ARAP2: variants seen among roughly 807,000 people sequenced by gnomAD.
The protein encoded by ARAP2 is ArfGAP with RhoGAP domain, ankyrin repeat and PH domain 2, also known as arf-GAP with Rho-GAP domain, ANK repeat and PH domain-containing protein 2.
Under a neutral mutation model 194.5 loss-of-function variants are expected in ARAP2, and 148 were observed. The ratio of observed to expected loss-of-function variants is 0.76; its 90% confidence interval spans 0.67 to 0.87. ARAP2 has a LOEUF of 0.87. Among genes scored for constraint, ARAP2 ranks in the 40% least tolerant of loss-of-function variants. The probability of loss-of-function intolerance (pLI) is 0.00; values close to 1 mark genes in which losing one functional copy is unlikely to be tolerated. For synonymous variants in ARAP2, 695 were observed against 683.5 expected, an observed-to-expected ratio of 1.02 and a Z score of -0.26; for missense variants, 2,128 against 1,989.7, an observed-to-expected ratio of 1.07 and a Z score of -1.32.
intron 16 of ARAP2, among the ~76,000 whole-genome samples, chr4:36,149,158 T>C (rs1730329922): frequency 6.6e-6 from 1 of 152,150 alleles, no homozygotes; most frequent in Admixed American, 6.6e-5. Flanking sequence ...CAAAATACCC[T>C]ATGCTAAAGT....
intron 6 of ARAP2, among the ~76,000 whole-genome samples, chr4:36,204,060 C>T (rs1304245763): frequency 1.3e-5 from 2 of 152,040 alleles, no homozygotes; most frequent in Non-Finnish European, 2.9e-5. Flanking sequence ...GGTTAGGAAA[C>T]ACAACTGAAG....
At chr4:36,221,193 G>A (rs185811308) in intron 2 of ARAP2, among the ~76,000 whole-genome samples, 55 of 151,956 alleles carry the variant, frequency 3.6e-4, no homozygotes, top group African/African-American at 1.2e-3. Flanking sequence ...ATATAGCCTC[G>A]GTGTGTAATA....
intron 19 of ARAP2, among the ~76,000 whole-genome samples, chr4:36,146,427 C>G (rs1019461815): frequency 6.6e-6 from 1 of 152,060 alleles, no homozygotes; most frequent in African/African-American, 2.4e-5. Flanking sequence ...TAAGGCCCTA[C>G]ATGATCAGGT....
intron 5 of ARAP2, among the ~76,000 whole-genome samples, chr4:36,037,206 T>A (rs993643663): frequency 1.3e-5 from 2 of 152,168 alleles, no homozygotes; most frequent in African/African-American, 4.8e-5. Context: ...TGAACTAGGT[T>A]CTCTACTTCT....
chr4:36,109,356 T>C (rs905749520), intron 26 of ARAP2, among the ~76,000 whole-genome samples: 2 of 151,976 alleles, frequency 1.3e-5, no homozygotes, highest in Non-Finnish European at 2.9e-5. Context: ...TTTACTATTA[T>C]ATATCCCCTA....
intron 15 of ARAP2, among the ~76,000 whole-genome samples, chr4:36,154,025 T>C (rs1731646055): frequency 6.6e-6 from 1 of 152,144 alleles, no homozygotes; most frequent in South Asian, 2.1e-4. Flanking sequence ...TTCTGAAAGT[T>C]GCTGCTTTAA....
intron 27 of ARAP2, among the ~76,000 whole-genome samples, chr4:36,093,268 T>G (rs567547280): frequency 1.1e-4 from 17 of 152,128 alleles, no homozygotes; most frequent in African/African-American, 4.1e-4. Context: ...AGGCTTAATA[T>G]CTGGGTGATG....
intron 26 of ARAP2, among the ~76,000 whole-genome samples, chr4:36,109,034 A>G (rs905722687): frequency 1.1e-4 from 16 of 151,982 alleles, no homozygotes; most frequent in Non-Finnish European, 2.2e-4. Context: ...TACTTGTATG[A>G]TCCATCATAA....
At chr4:36,036,216 G>T (rs551586425) in intron 5 of ARAP2, among the ~76,000 whole-genome samples, 6 of 151,952 alleles carry the variant, frequency 3.9e-5, no homozygotes, top group Non-Finnish European at 8.8e-5. Context: ...TTCCCTACAG[G>T]TATTGATATT....
At position 36,242,247 on chromosome 4, in the gene ARAP2, A is replaced by T. The variant is rs529033832; in HGVS notation, c.-160+1932T>A. Among the ~76,000 whole-genome samples, 22 of 152,344 alleles carry T rather than the reference A, an allele frequency of 1.4e-4. No individual in the cohort carries two copies. In the South Asian group the frequency reaches 4.6e-3, roughly 32 times the overall value. On this transcript the variant is annotated intron_variant, in intron 1 of 32. Transcript: ENST00000303965. ...TTATTAAGAAGTTCTCTACCTAATT[A>T]ATATTTCACCAAGAATTCCCAAAAC... is the stretch of plus-strand genomic sequence containing the variant.
At chr4:36,243,383 C>CAAAAAAAAAAAAAAAAAAAAAAA (rs71201008) in intron 1 of ARAP2, among the ~76,000 whole-genome samples, 2 of 85,114 alleles carry the variant, frequency 2.3e-5, no homozygotes, top group African/African-American at 5.0e-5. Flanking sequence ...GACAAGCTTG[C>CAAAAAAAAAAAAAAAAAAAAAAA]AAAAAAAAAA....
Position 36,229,380 on chromosome 4 carries a change from T to A in ARAP2, c.107A>T (p.Lys36Met). The change falls in exon 2 of 33, where the codon AAG (lysine) becomes ATG (methionine). Residue 36 changes from lysine to methionine, a missense_variant. Transcript: ENST00000303965. ...GCTGTCATTTATTGCTGCACAGTCC[T>A]TCACAGTAGTAAAACCAGACTCATG... is the stretch of plus-strand genomic sequence containing the variant. ...HFHESGFTTV[K>M]DCAAINDSLL... 1 of 1,614,126 alleles carries A rather than the reference T, an allele frequency of 6.2e-7. No homozygotes were observed. Among genetic ancestry groups the A allele is most frequent in the African/African-American group, 1.3e-5 (1 of 75,060 alleles).
Position 36,177,809 on chromosome 4 carries a change from G to T in ARAP2, c.1857+18C>A. 2 of 1,557,138 alleles carry T rather than the reference G, an allele frequency of 1.3e-6. No homozygotes were observed. The highest frequency in any genetic ancestry group is 2.5e-5 in the South Asian group (2 of 81,104). On this transcript the variant is annotated intron_variant, in intron 9 of 32. Transcript: ENST00000303965. ...TAATAAAATAGCAGCAATTTGCAAT[G>T]ACTATAACAGAGCTCACCTGTTCGT... is the stretch of plus-strand genomic sequence containing the variant.
chr4:36,213,063 T>C (rs929801981), intron 4 of ARAP2, among the ~76,000 whole-genome samples, 180 bp downstream of exon 4: 1 of 152,108 alleles, frequency 6.6e-6, no homozygotes, highest in African/African-American at 2.4e-5. Flanking sequence ...GTTCCTATAA[T>C]GTATATTGAA....
At chr4:36,047,675 G>T (rs920225575) in intron 3 of ARAP2, among the ~76,000 whole-genome samples, 1 of 152,104 alleles carries the variant, frequency 6.6e-6, no homozygotes, top group Non-Finnish European at 1.5e-5. Flanking sequence ...CTTCTCAGGT[G>T]GACACTCCTT....
intron 5 of ARAP2, among the ~76,000 whole-genome samples, chr4:36,044,441 C>T (rs1560312975): frequency 6.6e-6 from 1 of 152,042 alleles, no homozygotes; most frequent in Non-Finnish European, 1.5e-5. Flanking sequence ...TCTGTCATTT[C>T]TTTTTTAGGT....
intron 26 of ARAP2, among the ~76,000 whole-genome samples, chr4:36,109,087 A>T (rs534286366): frequency 6.6e-6 from 1 of 152,094 alleles, no homozygotes; most frequent in South Asian, 2.1e-4. Flanking sequence ...AATATATCAC[A>T]TCCTCCCTAA....
In ARAP2 at chr4:36,214,447, T is replaced by C; in HGVS notation, c.939A>G (p.Ser313=). ...TTTGCCATGCCACAGATTTTTCAGT[T>C]GAGGTAGCAACATTTCTTCTTTCAC... ...YFRERRNVAT[S]TEKSVAWQNS... is the part of the protein sequence containing the mutation. Residue 313 remains serine, a synonymous_variant, in exon 3 of 33, where the codon TCA becomes TCG. Transcript: ENST00000303965. The C allele has an allele frequency of 6.3e-7, 1 of 1,595,084 alleles. No homozygotes were observed. The highest frequency in any genetic ancestry group is 8.6e-7 in the Non-Finnish European group (1 of 1,168,782).
intron 2 of ARAP2, among the ~76,000 whole-genome samples, chr4:36,219,818 T>A (rs774014186): frequency 6.6e-6 from 1 of 152,086 alleles, no homozygotes; most frequent in Non-Finnish European, 1.5e-5. Flanking sequence ...TAAAATACTA[T>A]ACAGCAGGAA....
Sources: gnomAD v4.1 joint callset for allele counts (sites outside exome capture counted in the v4.1 genomes callset) on GRCh38, gnomAD v4.1.1 for gene constraint, MANE v1.5 for transcripts, NCBI Gene and HGNC (gene_info 2026-07-23, HGNC 2026-07-21) for gene names.